Variants in ENOX1 observed in about 807,000 individuals in gnomAD.
The protein encoded by ENOX1 is ecto-NOX disulfide-thiol exchanger 1, also known as candidate growth-related and time keeping constitutive hydroquinone (NADH) oxidase.
ENOX1 carries 42 observed loss-of-function variants against 82.5 expected under a neutral mutation model. The observed-to-expected ratio is 0.51, with a 90% confidence interval of 0.40 to 0.66. The LOEUF is 0.66. ENOX1 is among the 30% of genes least tolerant of loss of function. The pLI is 0.00. For missense variants in ENOX1, 608 were observed against 811.6 expected (o/e 0.75, Z 3.05); for synonymous variants, 271 against 282.2 (o/e 0.96, Z 0.40).
chr13:43,473,914 C>T (rs950390495), intron 3 of ENOX1, among the ~76,000 whole-genome samples: 13 of 152,074 alleles, frequency 8.5e-5, no homozygotes, highest in Non-Finnish European at 1.3e-4. Flanking sequence ...AAATAAAATG[C>T]TATATGTAAA....
In ENOX1 at chr13:43,439,408, G is replaced by A. The variant is rs114785913; in HGVS notation, c.-74-26420C>T. On this transcript the variant is annotated intron_variant, in intron 3 of 16. Coordinates refer to ENST00000690772, the MANE Select transcript of ENOX1 (RefSeq NM_001347969.2). Reference sequence around the variant, plus strand: ...ATAGAGACAGGGTTTCACCATGCTCGTCAGGCTGGTCTCGAGCTCCTGACC... The same window carrying A: ...ATAGAGACAGGGTTTCACCATGCTCATCAGGCTGGTCTCGAGCTCCTGACC... 2.9e-3 allele frequency among the ~76,000 whole-genome samples: 441 copies of A among 152,074 alleles called. 1 individual carries two copies. The highest frequency in any genetic ancestry group is 0.01 in the African/African-American group (424 of 41,480).
chr13:43,273,562 A>G (rs1229344465), intron 12 of ENOX1, among the ~76,000 whole-genome samples: 2 of 152,124 alleles, frequency 1.3e-5, no homozygotes, highest in Non-Finnish European at 2.9e-5. Flanking sequence ...TTTTGGCCCA[A>G]GATCAACTCA....
At chr13:43,568,988 T>C (rs2080049221) in intron 2 of ENOX1, among the ~76,000 whole-genome samples, 1 of 152,118 alleles carries the variant, frequency 6.6e-6, no homozygotes, top group African/African-American at 2.4e-5. Context: ...TTGCAGCATG[T>C]GTAGGTAATC....
At chr13:43,675,559 C>T (rs1182158022) in intron 1 of ENOX1, among the ~76,000 whole-genome samples, 1 of 152,186 alleles carries the variant, frequency 6.6e-6, no homozygotes, top group Non-Finnish European at 1.5e-5. Context: ...TGTTTTAATA[C>T]TGTTTCTGAA....
chr13:43,345,266 G>A (rs528690490), intron 8 of ENOX1, among the ~76,000 whole-genome samples: 7 of 152,188 alleles, frequency 4.6e-5, no homozygotes, highest in Non-Finnish European at 8.8e-5. Context: ...AAGGCAGGTA[G>A]TAGGAATAAG....
intron 14 of ENOX1, among the ~76,000 whole-genome samples, chr13:43,258,997 C>T (rs2043906845): frequency 1.3e-5 from 2 of 152,138 alleles, no homozygotes; most frequent in Non-Finnish European, 2.9e-5. Context: ...GCAGAAATCC[C>T]ATCTTTATTA....
At chr13:43,756,511 G>A in intron 1 of ENOX1, among the ~76,000 whole-genome samples, 1 of 131,486 alleles carries the variant, frequency 7.6e-6, no homozygotes, top group South Asian at 3.1e-4. Flanking sequence ...GAGAGGGAAA[G>A]GAGAGGGGAG....
intron 11 of ENOX1, among the ~76,000 whole-genome samples, chr13:43,304,853 C>T (rs1041129113): frequency 6.6e-6 from 1 of 152,190 alleles, no homozygotes; most frequent in African/African-American, 2.4e-5. Context: ...CCATGCTGAT[C>T]TCAGGATTCC....
At chr13:43,557,870 G>GA (rs762139872) in intron 2 of ENOX1, among the ~76,000 whole-genome samples, 31 of 152,158 alleles carry the variant, frequency 2.0e-4, no homozygotes, top group Non-Finnish European at 4.1e-4. Context: ...ATAATGATGA[G>GA]AAAAAAGATA....
chr13:43,362,406 A>C (rs2050583454), intron 5 of ENOX1, among the ~76,000 whole-genome samples: 1 of 152,080 alleles, frequency 6.6e-6, no homozygotes, highest in African/African-American at 2.4e-5. Flanking sequence ...GGTGGCGTGA[A>C]AATGTTCCCA....
chr13:43,245,100 T>C (rs1040142108), intron 14 of ENOX1, among the ~76,000 whole-genome samples: 5 of 152,190 alleles, frequency 3.3e-5, no homozygotes, highest in African/African-American at 1.2e-4. Context: ...CACTTTCCTT[T>C]ATGGGCACAT....
intron 11 of ENOX1, among the ~76,000 whole-genome samples, chr13:43,306,521 C>A (rs781526030): frequency 5.3e-5 from 8 of 152,184 alleles, no homozygotes; most frequent in Non-Finnish European, 1.2e-4. Flanking sequence ...ATTGTACCCC[C>A]TCCCCTGCAG....
At chr13:43,258,907 G>A (rs931581940) in intron 14 of ENOX1, among the ~76,000 whole-genome samples, 2 of 152,204 alleles carry the variant, frequency 1.3e-5, no homozygotes, top group Non-Finnish European at 2.9e-5. Flanking sequence ...GGCAGAGAAT[G>A]AGGCCTGATG....
chr13:43,248,681 CTT>C (rs1223591748), intron 14 of ENOX1, among the ~76,000 whole-genome samples: 2 of 151,386 alleles, frequency 1.3e-5, no homozygotes, highest in African/African-American at 2.4e-5. Context: ...TAGTAATAAC[CTT>C]TGTTTTCTCA....
intron 11 of ENOX1, among the ~76,000 whole-genome samples, chr13:43,301,515 G>C (rs1462977974): frequency 6.7e-6 from 1 of 148,498 alleles, no homozygotes; most frequent in Non-Finnish European, 1.5e-5. Flanking sequence ...AATATTGTTT[G>C]CATTCCCGGA....
chr13:43,742,089 G>A (rs1949769929), intron 1 of ENOX1, among the ~76,000 whole-genome samples: 1 of 152,080 alleles, frequency 6.6e-6, no homozygotes, highest in African/African-American at 2.4e-5. Flanking sequence ...GACAAAATGG[G>A]CAAGGGTAGA....
intron 1 of ENOX1, among the ~76,000 whole-genome samples, chr13:43,756,555 G>GA (rs1950652979): frequency 1.3e-5 from 2 of 151,010 alleles, no homozygotes; most frequent in South Asian, 4.2e-4. Flanking sequence ...GAGGCAGAGA[G>GA]AGAGATGTGC....
intron 3 of ENOX1, among the ~76,000 whole-genome samples, chr13:43,464,479 T>C (rs2057632179): frequency 6.6e-6 from 1 of 152,120 alleles, no homozygotes; most frequent in Non-Finnish European, 1.5e-5. Context: ...GAGAAGAGGC[T>C]GAGCAGTCAG....
intron 1 of ENOX1, among the ~76,000 whole-genome samples, chr13:43,685,621 G>GT (rs1222904977): frequency 3.3e-5 from 5 of 151,694 alleles, no homozygotes; most frequent in African/African-American, 9.7e-5. Context: ...ATGGTGACAG[G>GT]TTTTTTTTTA....
Sources: gnomAD v4.1 joint callset for allele counts (sites outside exome capture counted in the v4.1 genomes callset) on GRCh38, gnomAD v4.1.1 for gene constraint, MANE v1.5 for transcripts, NCBI Gene and HGNC (gene_info 2026-07-23, HGNC 2026-07-21) for gene names.